The following CCDC7 variants were observed in gnomAD, a reference collection of about 807,000 sequenced individuals.
CCDC7 encodes coiled-coil domain containing 7.
Under a neutral mutation model 196.9 loss-of-function variants are expected in CCDC7, and 183 were observed. The ratio of observed to expected loss-of-function variants is 0.93; its 90% confidence interval spans 0.82 to 1.05. The LOEUF (loss-of-function observed/expected upper bound fraction) is 1.05. Among genes scored for constraint, CCDC7 ranks in the 50% least tolerant of loss-of-function variants. The pLI, the probability that CCDC7 is intolerant of heterozygous loss-of-function variation, is 0.00. For missense variants in CCDC7, 1,540 were observed against 1,482.2 expected, an observed-to-expected ratio of 1.04 and a Z score of -0.64; for synonymous variants, 525 against 484.6, an observed-to-expected ratio of 1.08 and a Z score of -1.10.
At chr10:32,809,828 C>T (rs1192926240) in intron 30 of CCDC7, among the ~76,000 whole-genome samples, 1 of 152,120 alleles carries the variant, frequency 6.6e-6, no homozygotes, top group Non-Finnish European at 1.5e-5. Flanking sequence ...GGCAATTCCT[C>T]AGGGATCTAG....
chr10:32,562,710 A>C (rs2055960169), intron 13 of CCDC7, among the ~76,000 whole-genome samples: 1 of 150,350 alleles, frequency 6.7e-6, no homozygotes, highest in Non-Finnish European at 1.5e-5. Flanking sequence ...ATGGGCAAAA[A>C]CTGGAAGCAT....
intron 24 of CCDC7, among the ~76,000 whole-genome samples, chr10:32,695,422 T>C (rs1182968817): frequency 6.6e-6 from 1 of 152,190 alleles, no homozygotes; most frequent in Admixed American, 6.5e-5. Flanking sequence ...AAAAACAACC[T>C]ATGTGGTCAC....
chr10:32,850,263 C>A (rs1464359679), intron 39 of CCDC7, among the ~76,000 whole-genome samples: 1 of 152,074 alleles, frequency 6.6e-6, no homozygotes, highest in African/African-American at 2.4e-5. Context: ...CTGCAGAATC[C>A]CCAGATCCAG....
At chr10:32,654,596 A>G (rs1441472026) in intron 20 of CCDC7, among the ~76,000 whole-genome samples, 1 of 152,310 alleles carries the variant, frequency 6.6e-6, no homozygotes, top group East Asian at 1.9e-4. Context: ...ATGACTAGAC[A>G]GAGATTTCCT....
At chr10:32,810,815 A>G (rs1399487399) in intron 30 of CCDC7, among the ~76,000 whole-genome samples, 1 of 152,216 alleles carries the variant, frequency 6.6e-6, no homozygotes, top group South Asian at 2.1e-4. Context: ...CATATCAAGT[A>G]TTTTTTCAGA....
chr10:32,878,670 T>C (rs1048013862), downstream of CCDC7, among the ~76,000 whole-genome samples: 2 of 152,120 alleles, frequency 1.3e-5, no homozygotes, highest in Non-Finnish European at 1.5e-5. Flanking sequence ...GAATGAATAC[T>C]CAGTGAACCC....
At chr10:32,819,001 T>C (rs2089517391) in intron 31 of CCDC7, among the ~76,000 whole-genome samples, 1 of 151,956 alleles carries the variant, frequency 6.6e-6, no homozygotes, top group African/African-American at 2.4e-5. Flanking sequence ...TAAATAACCC[T>C]TCAAAAAAAT....
At chr10:32,826,856 A>T (rs1293016719) in intron 32 of CCDC7, among the ~76,000 whole-genome samples, 1 of 152,230 alleles carries the variant, frequency 6.6e-6, no homozygotes, top group African/African-American at 2.4e-5. Context: ...TGCACTCTTC[A>T]TGGAAGGAGA....
downstream of CCDC7, among the ~76,000 whole-genome samples, chr10:32,879,755 C>G (rs2094722498): frequency 6.9e-6 from 1 of 145,718 alleles, no homozygotes; most frequent in South Asian, 2.4e-4. Flanking sequence ...CTCCCTGTGT[C>G]CATGCATTCT....
chr10:32,877,123 A>C (rs2094617856), downstream of CCDC7: 1 of 152,140 alleles, frequency 6.6e-6, no homozygotes, highest in East Asian at 1.9e-4. Flanking sequence ...AAACAAAATA[A>C]AGTGAAATAA....
At chr10:32,589,405 G>A (rs892499586) in intron 18 of CCDC7, among the ~76,000 whole-genome samples, 1 of 152,022 alleles carries the variant, frequency 6.6e-6, no homozygotes, top group Non-Finnish European at 1.5e-5. Context: ...TCTGTTGCTG[G>A]ACACTTAGGC....
At chr10:32,687,486 T>G (rs1437367127) in intron 22 of CCDC7, among the ~76,000 whole-genome samples, 1 of 152,176 alleles carries the variant, frequency 6.6e-6, no homozygotes, top group African/African-American at 2.4e-5. Context: ...AGGTTTGTAG[T>G]GGCCCAGTGG....
intron 9 of CCDC7, among the ~76,000 whole-genome samples, chr10:32,498,789 G>A (rs1044607223): frequency 2.4e-4 from 37 of 151,430 alleles, no homozygotes; most frequent in African/African-American, 8.9e-4. Flanking sequence ...TGGGTAACCC[G>A]ACCTTTCTCT....
chr10:32,767,470 A>G (rs147439747), intron 28 of CCDC7, among the ~76,000 whole-genome samples: 1 of 152,156 alleles, frequency 6.6e-6, no homozygotes, highest in African/African-American at 2.4e-5. Context: ...CCAAAATAGA[A>G]CAAGTATCTA....
At chr10:32,637,602 T>G (rs1159411578) in intron 20 of CCDC7, among the ~76,000 whole-genome samples, 1 of 152,228 alleles carries the variant, frequency 6.6e-6, no homozygotes, top group East Asian at 1.9e-4. Flanking sequence ...TCTGTTTTGG[T>G]ACCGGTACCA....
At chr10:32,528,926 C>T (rs925609498) in intron 11 of CCDC7, among the ~76,000 whole-genome samples, 2 of 151,688 alleles carry the variant, frequency 1.3e-5, no homozygotes, top group African/African-American at 2.4e-5. Context: ...TGTATAATGA[C>T]TTCTTTTCCT....
intron 35 of CCDC7, 86 bp downstream of exon 36, chr10:32,845,712 G>A (rs1224395751): frequency 8.0e-7 from 1 of 1,255,378 alleles, no homozygotes; most frequent in Non-Finnish European, 1.2e-6. Context: ...AATGGCAATA[G>A]TACCTATATG....
At chr10:32,731,099 T>C (rs2132770897) in intron 28 of CCDC7, among the ~76,000 whole-genome samples, 1 of 152,248 alleles carries the variant, frequency 6.6e-6, no homozygotes, top group African/African-American at 2.4e-5. Context: ...ACTGTCCATT[T>C]TCCTTATACT....
intron 25 of CCDC7, among the ~76,000 whole-genome samples, chr10:32,717,671 A>G (rs549859842): frequency 1.3e-5 from 2 of 152,220 alleles, no homozygotes; most frequent in African/African-American, 2.4e-5. Flanking sequence ...TCAAATAGAC[A>G]CAATAAAAAA....
Sources: allele counts gnomAD v4.1 joint callset (sites outside exome capture counted in the v4.1 genomes callset), GRCh38; gene constraint gnomAD v4.1.1; transcripts MANE v1.5; gene names NCBI Gene and HGNC (gene_info 2026-07-23, HGNC 2026-07-21).